HDGF: variants seen among roughly 807,000 people sequenced by gnomAD.
HDGF encodes the protein hepatoma-derived growth factor.
A neutral mutation model predicts 30.0 loss-of-function variants in HDGF; 5 were observed. The observed-to-expected ratio is 0.17, with a 90% CI of 0.09 to 0.35. HDGF has a LOEUF of 0.35. Among genes scored for constraint, HDGF ranks in the 10% least tolerant of loss-of-function variants. The probability of loss-of-function intolerance (pLI) is 1.00; values close to 1 mark genes in which losing one functional copy is unlikely to be tolerated. For synonymous variants in HDGF, 133 were observed against 112.7 expected (o/e 1.18, Z -1.14); for missense variants, 214 against 302.8 (o/e 0.71, Z 2.18).
In HDGF at chr1:156,745,384, A is replaced by AT; in HGVS notation, c.88-12dup. ...AGGCATCTCGTCAATCTGGGGTGAG[A>AT]TGAGGGGGTGAGGTTAGCTAGAGTC... On this transcript the variant is annotated splice_polypyrimidine_tract_variant and intron_variant, in intron 1 of 5. Transcript: ENST00000357325. 8 of 1,612,230 alleles carry AT rather than the reference A, an allele frequency of 5.0e-6. No homozygotes were observed. Among genetic ancestry groups the AT allele is most frequent in the Non-Finnish European group, 6.8e-6 (8 of 1,178,936 alleles).
At chr1:156,748,183 C>T (rs1270430786) in intron 1 of HDGF, among the ~76,000 whole-genome samples, 4 of 152,168 alleles carry the variant, frequency 2.6e-5, no homozygotes, top group Non-Finnish European at 4.4e-5. Flanking sequence ...GGGAGGTGTG[C>T]TCTTCTCACT....
chr1:156,743,707 C>G lies in HDGF; in HGVS notation c.661G>C (p.Glu221Gln), dbSNP rs573185750. ...PQEEEEEEDEEEEATKEDAEA... is the reference protein window; with the variant it reads ...PQEEEEEEDEQEEATKEDAEA... ...GCATCTTCCTTGGTAGCCTCTTCCT[C>G]TTCATCCTCCTCCTCTTCTTCCTCT... Residue 221 changes from glutamate (E) to glutamine (Q), a missense_variant, in exon 5 of 6, where the codon GAG (glutamate) becomes CAG (glutamine). Physicochemically the swap from Glu to Gln is conservative, Grantham distance 29. This residue lies in a region of HDGF where 176 missense variants were observed against 211.7 expected (regional missense o/e 0.83). Coordinates refer to ENST00000357325, the MANE Select transcript of HDGF (RefSeq NM_004494.3). 3.7e-6 allele frequency: 6 copies of G among 1,609,374 alleles called. No individual in the cohort carries two copies. In the East Asian group the frequency reaches 1.3e-4, roughly 36 times the overall value.
In HDGF at chr1:156,742,833, A is replaced by C. The variant is rs925345802; in HGVS notation, c.*616T>G. 6.5e-6 allele frequency: 1 copy of C among 154,828 alleles called. No individual in the cohort carries two copies. The highest frequency in any genetic ancestry group is 2.4e-5 in the African/African-American group (1 of 41,534). The allele number at this position is 154,828 out of a possible 1,614,324, so 9.6% of individuals were successfully genotyped here. On this transcript the variant is annotated 3_prime_UTR_variant, in exon 6 of 6. Transcript: ENST00000357325. ...ACTCCCAAAACTCTTGGGGTCGGCA[A>C]AAGGAAAAATGGGTGTTGTCAATCA...
At chr1:156,754,831 C>T (rs575424749), upstream of HDGF, among the ~76,000 whole-genome samples, 148 of 152,228 alleles carry the variant, frequency 9.7e-4, no homozygotes, top group African/African-American at 3.5e-3. Context: ...GCCTGTAATC[C>T]CAGCTACTTG....
intron 1 of HDGF, among the ~76,000 whole-genome samples, chr1:156,750,049 G>A (rs1400674755): frequency 6.6e-6 from 1 of 152,172 alleles, no homozygotes; most frequent in Admixed American, 6.5e-5. Context: ...CACGGAACCA[G>A]GAGCTCAAGG....
intron 1 of HDGF, among the ~76,000 whole-genome samples, chr1:156,762,330 T>C (rs913113014): frequency 2.0e-5 from 3 of 151,262 alleles, no homozygotes; most frequent in Non-Finnish European, 4.4e-5. Flanking sequence ...GACAGGAGGA[T>C]TGCTTGACCT....
chr1:156,743,537 G>A, intron 5 of HDGF, 82 bp from the exon 6 acceptor site: 2 of 1,584,940 alleles, frequency 1.3e-6, no homozygotes, highest in Admixed American at 1.7e-5. Flanking sequence ...GGTCTCCTAG[G>A]AGAGCCCACC....
intron 1 of HDGF, among the ~76,000 whole-genome samples, chr1:156,764,115 A>G (rs1476917419): frequency 1.3e-5 from 2 of 152,018 alleles, no homozygotes; most frequent in Admixed American, 1.3e-4. Context: ...TTGTAGAGAC[A>G]AGGTTTCACC....
intron 1 of HDGF, among the ~76,000 whole-genome samples, chr1:156,747,250 G>GCC (rs1314352449): frequency 6.4e-4 from 9 of 14,168 alleles, no homozygotes; most frequent in South Asian, 8.8e-3. Context: ...CCTCCCCCCC[G>GCC]CCCCCCCCCC....
upstream of HDGF, among the ~76,000 whole-genome samples, chr1:156,754,138 A>C (rs982118934): frequency 1.3e-5 from 2 of 151,646 alleles, no homozygotes; most frequent in Non-Finnish European, 2.9e-5. Context: ...CTGGTCTCGA[A>C]CTCCTGACCT....
upstream of HDGF, among the ~76,000 whole-genome samples, chr1:156,752,907 C>T (rs114384107): frequency 0.011 from 1,640 of 152,294 alleles, 33 homozygotes; most frequent in African/African-American, 0.037. Flanking sequence ...TATTTCAAAG[C>T]ATATGCAAAG....
chr1:156,765,654 T>C (rs959399794), intron 1 of HDGF, among the ~76,000 whole-genome samples: 9 of 151,818 alleles, frequency 5.9e-5, no homozygotes, highest in African/African-American at 1.7e-4. Context: ...TTTGTATTTT[T>C]AGTAGAGACG....
chr1:156,752,557 C>A, upstream of HDGF: 1 of 603,614 alleles, frequency 1.7e-6, no homozygotes, highest in Non-Finnish European at 2.9e-6. Context: ...TCTGGGAAGG[C>A]TTCACAAAGG....
rs550698416 is a variant in HDGF, at chr1:156,743,211, G to C, written c.*238C>G. On this transcript the variant is annotated 3_prime_UTR_variant, in exon 6 of 6. Transcript: ENST00000357325. ...CAGTGGCCTCAACTCATTCCAGGGA[G>C]AAGACATGGCTCTGACTCAGATCAT... 1 of 446,006 alleles carries C rather than the reference G, an allele frequency of 2.2e-6. No individual in the cohort carries two copies. Among genetic ancestry groups the C allele is most frequent in the Non-Finnish European group, 4.0e-6 (1 of 250,752 alleles). 27.6% of individuals were successfully genotyped at this position (446,006 alleles called of 1,614,324 possible). A position where few individuals can be genotyped will look rare whatever the true frequency, so the allele number is the denominator to read the frequency against.
chr1:156,757,970 T>A (rs548203869), intron 2 of HDGF, among the ~76,000 whole-genome samples: 1 of 152,128 alleles, frequency 6.6e-6, no homozygotes, highest in African/African-American at 2.4e-5. Context: ...GCAGTGGCTG[T>A]TGACTGGAGC....
upstream of HDGF, chr1:156,751,920 G>A (rs984181744): frequency 1.9e-6 from 2 of 1,052,594 alleles, no homozygotes; most frequent in Non-Finnish European, 2.6e-6. The surrounding 1 kb of genome is among the most constrained non-coding windows in gnomAD (Gnocchi z 4.7). Context: ...CGATCGCCGA[G>A]CACGCCGAGC....
Position 156,751,040 on chromosome 1 carries a change from CT to C in HDGF, c.87+302del, listed in dbSNP as rs1650938790. 6.6e-6 allele frequency among the ~76,000 whole-genome samples: 1 copy of C among 151,146 alleles called. No homozygotes were observed. Among genetic ancestry groups the C allele is most frequent in the Non-Finnish European group, 1.5e-5 (1 of 67,788 alleles). On this transcript the variant is annotated intron_variant, in intron 1 of 5. Coordinates refer to ENST00000357325, the MANE Select transcript of HDGF (RefSeq NM_004494.3). The surrounding 1 kb of genome is among the most constrained non-coding windows in gnomAD (Gnocchi z 4.7). ...CTCGAAACCTCTGGGAGTATGGGGG[CT>C]GGGGGCGGAACTGAGCACGCGGAGC...
At chr1:156,764,639 T>C (rs1651319341) in intron 1 of HDGF, among the ~76,000 whole-genome samples, 1 of 152,194 alleles carries the variant, frequency 6.6e-6, no homozygotes, top group Non-Finnish European at 1.5e-5. Context: ...AGGTGAATCA[T>C]TAATTTTCAC....
chr1:156,748,728 G>T (rs1009887220), intron 1 of HDGF, among the ~76,000 whole-genome samples: 24 of 152,330 alleles, frequency 1.6e-4, no homozygotes, highest in African/African-American at 5.5e-4. Context: ...CACTTAGGAA[G>T]GCAGCAGGGA....
Sources: allele counts gnomAD v4.1 joint callset (sites outside exome capture counted in the v4.1 genomes callset), GRCh38; gene constraint gnomAD v4.1.1; regional missense constraint gnomAD v4.1.1; non-coding constraint Gnocchi (gnomAD v3.1); transcripts MANE v1.5; gene names NCBI Gene and HGNC (gene_info 2026-07-23, HGNC 2026-07-21).